Variants in SOX5 observed in about 807,000 individuals in gnomAD.
SOX5 encodes the protein SRY-box transcription factor 5.
In SOX5, 9 loss-of-function variants were observed where a neutral mutation model predicts 92.0. The observed-to-expected ratio is 0.10, with a 90% CI of 0.06 to 0.17. The LOEUF is 0.17. Among genes scored for constraint, SOX5 ranks in the 10% least tolerant of loss-of-function variants. The probability of loss-of-function intolerance (pLI) is 1.00; values close to 1 mark genes in which losing one functional copy is unlikely to be tolerated. For missense variants in SOX5, 642 were observed against 944.5 expected (o/e 0.68, Z 4.20); for synonymous variants, 344 against 336.3 (o/e 1.02, Z -0.25).
chr12:23,895,989 T>A lies in SOX5; in HGVS notation c.74A>T (p.Glu25Val), dbSNP rs750837970. 8.1e-6 allele frequency: 13 copies of A among 1,613,884 alleles called. 1 individual carries two copies. The South Asian group carries it at 1.4e-4, about 18-fold the overall frequency. ...SSKRPASPYG[E>V]ADGEVAMVTS... ...CACCATGGCTACCTCTCCATCTGCT[T>A]CCCCATACGGAGAGGCTGGTCGCTT... The change falls in exon 2 of 15, where the codon GAA (glutamate) becomes GTA (valine). Residue 25 changes from glutamate (E) to valine (V), a missense_variant. Glu to Val is a moderately radical substitution (Grantham distance 121, BLOSUM62 -2). This residue lies in a region of SOX5 where 113 missense variants were observed against 117.7 expected (regional missense o/e 0.96). Coordinates refer to ENST00000451604, the MANE Select transcript of SOX5 (RefSeq NM_006940.6).
intron 4 of SOX5, among the ~76,000 whole-genome samples, chr12:23,974,710 T>C (rs1354107347): frequency 6.6e-6 from 1 of 152,068 alleles, no homozygotes; most frequent in Non-Finnish European, 1.5e-5. Context: ...GAAAATTCAT[T>C]TGTGGGATCA....
intron 3 of SOX5, among the ~76,000 whole-genome samples, chr12:23,776,137 A>T (rs964030846): frequency 2.0e-5 from 3 of 152,250 alleles, no homozygotes; most frequent in Non-Finnish European, 4.4e-5. Context: ...TTCAAGCACA[A>T]AAAACTTTCA....
At chr12:23,660,702 G>T (rs2082920400) in intron 7 of SOX5, among the ~76,000 whole-genome samples, 1 of 120,988 alleles carries the variant, frequency 8.3e-6, no homozygotes, top group Non-Finnish European at 1.8e-5. Flanking sequence ...TAACTTCCAG[G>T]TTAAAAAAAA....
chr12:23,559,980 G>A (rs761477571), intron 11 of SOX5, among the ~76,000 whole-genome samples: 7 of 151,952 alleles, frequency 4.6e-5, no homozygotes, highest in Non-Finnish European at 1.0e-4. Context: ...GCGTGATCTC[G>A]GCTCACTGCA....
chr12:23,946,066 AATT>A (rs1233063849), intron 1 of SOX5, among the ~76,000 whole-genome samples: 1 of 152,132 alleles, frequency 6.6e-6, no homozygotes, highest in Admixed American at 6.6e-5. Context: ...ATAAGAAAAA[AATT>A]ATTTAGTCAG....
chr12:24,185,768 A>G (rs1055875971), intron 4 of SOX5, among the ~76,000 whole-genome samples: 3 of 152,220 alleles, frequency 2.0e-5, no homozygotes, highest in African/African-American at 7.2e-5. Context: ...TGCCTCATAC[A>G]TAGACATTCC....
chr12:24,147,341 G>T (rs1951188871), intron 4 of SOX5, among the ~76,000 whole-genome samples: 1 of 152,116 alleles, frequency 6.6e-6, no homozygotes, highest in South Asian at 2.1e-4. Flanking sequence ...AACTATGGAA[G>T]CATATCAACA....
At chr12:24,258,982 C>T (rs541999290) in intron 3 of SOX5, among the ~76,000 whole-genome samples, 1 of 152,192 alleles carries the variant, frequency 6.6e-6, no homozygotes, top group Non-Finnish European at 1.5e-5. Flanking sequence ...TTCTAGGCTA[C>T]CTCTCCAGGA....
At chr12:24,357,210 C>T (rs1193989886) in intron 2 of SOX5, 2 of 152,044 alleles carry the variant, frequency 1.3e-5, no homozygotes, top group East Asian at 1.9e-4. Flanking sequence ...CTTCCTGTAC[C>T]GCCATTAACA....
intron 3 of SOX5, among the ~76,000 whole-genome samples, chr12:23,816,973 TAA>T (rs1160034825): frequency 6.6e-6 from 1 of 152,212 alleles, no homozygotes; most frequent in Non-Finnish European, 1.5e-5. Flanking sequence ...CAGAAATATT[TAA>T]AAATATAGAT....
chr12:23,611,470 T>C (rs1370079807), intron 8 of SOX5, among the ~76,000 whole-genome samples: 2 of 152,016 alleles, frequency 1.3e-5, no homozygotes, highest in Non-Finnish European at 2.9e-5. Context: ...CATGTCTTGG[T>C]TATCGTAAAT....
At chr12:23,604,909 TC>T (rs1254381025) in intron 8 of SOX5, among the ~76,000 whole-genome samples, 10 of 152,194 alleles carry the variant, frequency 6.6e-5, no homozygotes, top group Non-Finnish European at 1.0e-4. Flanking sequence ...ACAGTAATTT[TC>T]TACTATCCAT....
intron 2 of SOX5, among the ~76,000 whole-genome samples, chr12:23,893,872 C>CT (rs1233122753): frequency 1.3e-5 from 2 of 152,116 alleles, no homozygotes; most frequent in African/African-American, 4.8e-5. Flanking sequence ...CTTACGTAAG[C>CT]TCACAGTAAA....
At chr12:23,610,572 A>G (rs1592553567) in intron 8 of SOX5, among the ~76,000 whole-genome samples, 1 of 152,180 alleles carries the variant, frequency 6.6e-6, no homozygotes. Context: ...TCTCTTGTAC[A>G]TATTTAATAT....
At chr12:23,622,314 A>AG (rs2077275854) in intron 8 of SOX5, among the ~76,000 whole-genome samples, 1 of 119,506 alleles carries the variant, frequency 8.4e-6, no homozygotes, top group South Asian at 3.4e-4. Flanking sequence ...CAATAAAAAG[A>AG]GAAAAAAAAA....
chr12:23,576,961 T>C (rs1949214086), intron 9 of SOX5, among the ~76,000 whole-genome samples: 1 of 151,194 alleles, frequency 6.6e-6, no homozygotes, highest in South Asian at 2.1e-4. Flanking sequence ...TATTTACCAA[T>C]AACAGGATTT....
At chr12:24,215,910 G>C (rs1959135254) in intron 3 of SOX5, among the ~76,000 whole-genome samples, 1 of 152,094 alleles carries the variant, frequency 6.6e-6, no homozygotes, top group African/African-American at 2.4e-5. Context: ...TGCACATATA[G>C]ATCTAATGGC....
intron 4 of SOX5, among the ~76,000 whole-genome samples, chr12:24,001,393 A>G (rs560066784): frequency 2.0e-5 from 3 of 152,316 alleles, no homozygotes; most frequent in Admixed American, 2.0e-4. Context: ...AAACCAGCCT[A>G]AATTAGATTA....
intron 6 of SOX5, among the ~76,000 whole-genome samples, chr12:23,713,706 A>AATAT (rs371698007): frequency 6.8e-6 from 1 of 146,980 alleles, no homozygotes; most frequent in African/African-American, 2.5e-5. Flanking sequence ...AATATATATA[A>AATAT]ATATATATAT....
Sources: allele counts gnomAD v4.1 joint callset (sites outside exome capture counted in the v4.1 genomes callset), GRCh38; gene constraint gnomAD v4.1.1; regional missense constraint gnomAD v4.1.1; transcripts MANE v1.5; gene names NCBI Gene and HGNC (gene_info 2026-07-23, HGNC 2026-07-21).